The following MYLK variants were observed in gnomAD, a reference collection of about 807,000 sequenced individuals.
MYLK encodes the protein myosin light chain kinase, smooth muscle.
In MYLK, 106 loss-of-function variants were observed where a neutral mutation model predicts 203.4. The observed-to-expected ratio is 0.52, with a 90% CI of 0.45 to 0.61. The LOEUF (loss-of-function observed/expected upper bound fraction) is 0.61, where lower values mean the gene tolerates loss of function less well. MYLK is among the 20% of genes least tolerant of loss of function. The probability of loss-of-function intolerance (pLI) is 0.00; values close to 1 mark genes in which losing one functional copy is unlikely to be tolerated. For synonymous variants in MYLK, 867 were observed against 959.5 expected, an observed-to-expected ratio of 0.90 and a Z score of 1.78; for missense variants, 2,072 against 2,442.3, an observed-to-expected ratio of 0.85 and a Z score of 3.20.
In MYLK at chr3:123,655,273, C is replaced by T. The variant is rs191221100; in HGVS notation, c.4288+1853G>A. Among the ~76,000 whole-genome samples the T allele has an allele frequency of 2.4e-3, 370 of 152,154 alleles. 4 individuals are homozygous for T. The highest frequency in any genetic ancestry group is 2.3e-3 in the Non-Finnish European group (153 of 67,992). On this transcript the variant is annotated intron_variant, in intron 24 of 33. Transcript: ENST00000360304. ...TGCAGTTTATGAAGCCCTCTTTGCA[C>T]CTTCTCCCTCCCCTGTTTCTTTGAG...
intron 2 of MYLK, among the ~76,000 whole-genome samples, chr3:123,853,691 C>A (rs977552696): frequency 2.0e-5 from 3 of 152,108 alleles, no homozygotes; most frequent in African/African-American, 4.8e-5. Flanking sequence ...TCTTTCATAT[C>A]TGAATGTGAT....
chr3:123,811,405 G>A (rs2065555825), intron 3 of MYLK, among the ~76,000 whole-genome samples: 1 of 152,144 alleles, frequency 6.6e-6, no homozygotes, highest in Non-Finnish European at 1.5e-5. Flanking sequence ...ACTTCCAATA[G>A]GGAATTTGGA....
At position 123,638,184 on chromosome 3, in the gene MYLK, C is replaced by T. The variant is rs2084854763; in HGVS notation, c.4848G>A (p.Gly1616=). The T allele has an allele frequency of 6.2e-7, 1 of 1,613,876 alleles. No individual in the cohort carries two copies. The highest frequency in any genetic ancestry group is 8.5e-7 in the Non-Finnish European group (1 of 1,180,020). ...GGGTGCCAAAGAGGACCTTCAGAGACCCCGCATTCTCTGAAACCAGGATGG... is the reference window on the plus strand; with the variant it reads ...GGGTGCCAAAGAGGACCTTCAGAGATCCCGCATTCTCTGAAACCAGGATGG... ...FGLARRLENA[G]SLKVLFGTPE... Residue 1616 remains glycine (G), a synonymous_variant, in exon 29 of 34, where the codon GGG becomes GGA. Coordinates refer to ENST00000360304, the MANE Select transcript of MYLK (RefSeq NM_053025.4).
chr3:123,723,524 G>A (rs1032462401), intron 12 of MYLK, among the ~76,000 whole-genome samples: 19 of 152,292 alleles, frequency 1.2e-4, no homozygotes, highest in African/African-American at 4.3e-4. Flanking sequence ...CCGCCAATGT[G>A]TCTCTTCTGT....
intron 2 of MYLK, among the ~76,000 whole-genome samples, chr3:123,850,912 A>G (rs1356839934): frequency 6.6e-6 from 1 of 152,118 alleles, no homozygotes; most frequent in Non-Finnish European, 1.5e-5. Context: ...ATCTTGAATT[A>G]ATTTTTGTAT....
intron 3 of MYLK, among the ~76,000 whole-genome samples, chr3:123,809,279 C>CTTTGGGAGGCCAAGG (rs1164273151): frequency 6.6e-6 from 1 of 152,170 alleles, no homozygotes; most frequent in Non-Finnish European, 1.5e-5. Flanking sequence ...AATCCCAGCA[C>CTTTGGGAGGCCAAGG]TTTGGGAGGC....
Position 123,830,064 on chromosome 3 carries a change from C to T in MYLK, c.-4+1484G>A, listed in dbSNP as rs115270070. On this transcript the variant is annotated intron_variant, in intron 3 of 33. Coordinates refer to ENST00000360304, the MANE Select transcript of MYLK (RefSeq NM_053025.4). ...GTGACTAAACAAAGAGGGCTTCTGG[C>T]ATAGCCCACTCACCAGTACCAGAGG... 3.0e-3 allele frequency among the ~76,000 whole-genome samples: 462 copies of T among 152,358 alleles called. 2 individuals are homozygous for T. Among genetic ancestry groups the T allele is most frequent in the African/African-American group, 0.01 (424 of 41,582 alleles).
chr3:123,782,204 C>T (rs1236266558), intron 4 of MYLK, among the ~76,000 whole-genome samples: 2 of 152,084 alleles, frequency 1.3e-5, no homozygotes, highest in Admixed American at 6.6e-5. Flanking sequence ...CAACACACTA[C>T]GTTAATTATC....
intron 4 of MYLK, among the ~76,000 whole-genome samples, chr3:123,759,078 G>A (rs1283849489): frequency 1.3e-5 from 2 of 152,176 alleles, no homozygotes; most frequent in Non-Finnish European, 2.9e-5. Context: ...GCCTGCCTTG[G>A]CTTCCCAAAG....
intron 19 of MYLK, among the ~76,000 whole-genome samples, chr3:123,684,872 T>C (rs1191255724): frequency 2.0e-5 from 3 of 152,346 alleles, no homozygotes; most frequent in African/African-American, 7.2e-5. Context: ...AGACTATGTA[T>C]GCAGTTCTGC....
intron 2 of MYLK, among the ~76,000 whole-genome samples, chr3:123,862,686 C>T (rs1250404031): frequency 1.3e-5 from 2 of 152,192 alleles, no homozygotes; most frequent in Non-Finnish European, 2.9e-5. Context: ...TATTTCATGA[C>T]TCTTCTAGAC....
At chr3:123,663,976 C>G (rs919382568) in intron 23 of MYLK, 129 bp downstream of exon 23, 3 of 1,354,556 alleles carry the variant, frequency 2.2e-6, no homozygotes, top group Non-Finnish European at 3.2e-6. Flanking sequence ...TTCTGTGGTG[C>G]CTTATAAATC....
chr3:123,647,935 G>A (rs1198694858), intron 26 of MYLK, among the ~76,000 whole-genome samples: 1 of 152,138 alleles, frequency 6.6e-6, no homozygotes, highest in Admixed American at 6.5e-5. Flanking sequence ...TGGAACCCAT[G>A]AAGATGGGTG....
chr3:123,613,272 C>T lies in MYLK; in HGVS notation c.*833G>A, dbSNP rs1261094950. Reference sequence around the variant, plus strand: ...AACACAAAAATCTTTACCACACGTTCAGAGCTGATATTCTATAACAGCACA... The same window carrying T: ...AACACAAAAATCTTTACCACACGTTTAGAGCTGATATTCTATAACAGCACA... On this transcript the variant is annotated 3_prime_UTR_variant, in exon 34 of 34. Coordinates refer to ENST00000360304, the MANE Select transcript of MYLK (RefSeq NM_053025.4). 1 of 152,126 alleles carries T rather than the reference C, an allele frequency of 6.6e-6. No homozygotes were observed. Among genetic ancestry groups the T allele is most frequent in the Non-Finnish European group, 1.5e-5 (1 of 68,046 alleles). 9.4% of individuals were successfully genotyped at this position (152,126 alleles called of 1,614,324 possible).
rs1045663335 is a variant in MYLK at position 123,742,041 on chromosome 3, C to T, written c.374-2040G>A. Among the ~76,000 whole-genome samples, 4 of 152,302 alleles carry T rather than the reference C, an allele frequency of 2.6e-5. No individual in the cohort carries two copies. In the East Asian group the frequency reaches 7.7e-4, roughly 29 times the overall value. ...CCTTCAAAGCACTTTCTCTTCTAGA[C>T]TTTCCTGCTTTTACCAGGTTATTCA... On this transcript the variant is annotated intron_variant, in intron 5 of 33. Transcript: ENST00000360304.
chr3:123,629,323 A>G lies in MYLK; in HGVS notation c.5114+151T>C. ...CAACCCACATGCATTCGGGTCTCTT[A>G]CCATGCCCACCCTCCCTTCCTCAGG... is the stretch of plus-strand genomic sequence containing the variant. On this transcript the variant is annotated intron_variant, in intron 30 of 33. Coordinates refer to ENST00000360304, the MANE Select transcript of MYLK (RefSeq NM_053025.4). This position sits in a 1 kb window ranked among gnomAD's most constrained non-coding sequence, Gnocchi z 4.4. 1.1e-6 allele frequency: 1 copy of G among 940,704 alleles called. No individual in the cohort carries two copies. The highest frequency in any genetic ancestry group is 1.6e-6 in the Non-Finnish European group (1 of 619,288). The allele number at this position is 940,704 out of a possible 1,614,324, so 58.3% of individuals were successfully genotyped here.
At chr3:123,616,944 A>C (rs1171197414) in intron 33 of MYLK, 8 of 152,204 alleles carry the variant, frequency 5.3e-5, no homozygotes, top group African/African-American at 1.9e-4. Context: ...CCCTAACCAG[A>C]ATAAAAATTA....
At chr3:123,615,687 T>G (rs2057447383) in intron 33 of MYLK, among the ~76,000 whole-genome samples, 1 of 151,764 alleles carries the variant, frequency 6.6e-6, no homozygotes, top group South Asian at 2.1e-4. Flanking sequence ...CTCACTATGT[T>G]GCCTAGGCAG....
intron 18 of MYLK, among the ~76,000 whole-genome samples, chr3:123,695,670 T>C (rs199866263): frequency 6.6e-6 from 1 of 152,190 alleles, no homozygotes; most frequent in East Asian, 1.9e-4. Context: ...TAGGATGAAC[T>C]TACATGGGTT....
Sources: allele counts gnomAD v4.1 joint callset (sites outside exome capture counted in the v4.1 genomes callset), GRCh38; gene constraint gnomAD v4.1.1; non-coding constraint Gnocchi (gnomAD v3.1); transcripts MANE v1.5; gene names NCBI Gene and HGNC (gene_info 2026-07-23, HGNC 2026-07-21).